The following GPATCH8 variants were observed in gnomAD, a reference collection of about 807,000 sequenced individuals.
GPATCH8 encodes G-patch domain containing 8, also known as G patch domain-containing protein 8.
Under a neutral mutation model 118.3 loss-of-function variants are expected in GPATCH8, and 18 were observed. The ratio of observed to expected loss-of-function variants is 0.15; its 90% CI spans 0.11 to 0.23. GPATCH8 has a LOEUF of 0.23. Ranked by LOEUF, GPATCH8 falls within the 10% of genes least tolerant of loss-of-function variation. The pLI is 1.00. For missense variants in GPATCH8, 1,631 were observed against 1,873.8 expected, an observed-to-expected ratio of 0.87 and a Z score of 2.39; for synonymous variants, 659 against 684.7, an observed-to-expected ratio of 0.96 and a Z score of 0.59.
At chr17:44,465,093 A>AAAAAT (rs1555640957) in intron 2 of GPATCH8, 6 of 148,508 alleles carry the variant, frequency 4.0e-5, no homozygotes, top group Non-Finnish European at 7.5e-5. Context: ...TGGTTTAAAA[A>AAAAAT]AATAATATAT....
At position 44,398,027 on chromosome 17, in the gene GPATCH8, G is replaced by T. The variant is rs1175365216; in HGVS notation, c.4050C>A (p.Ala1350=). 2 of 1,613,930 alleles carry T rather than the reference G, an allele frequency of 1.2e-6. No individual in the cohort carries two copies. The highest frequency in any genetic ancestry group is 2.2e-5 in the South Asian group (2 of 91,066). ...TGGGTTGCAGGGCTGGTGTGGCTGG[G>T]GCCAGGGCAGCTGAGGCTGGAAAGG... ...VKAFPASAAL[A]PATPALQPIH... Residue 1350 remains alanine, a synonymous_variant, in exon 8 of 8, where the codon GCC becomes GCA. Coordinates refer to ENST00000591680, the MANE Select transcript of GPATCH8 (RefSeq NM_001002909.4).
At chr17:44,423,119 T>C (rs1440641105) in intron 6 of GPATCH8, among the ~76,000 whole-genome samples, 1 of 151,980 alleles carries the variant, frequency 6.6e-6, no homozygotes, top group East Asian at 1.9e-4. Context: ...CAGGCACCTG[T>C]AATCCCAGCT....
At chr17:44,473,795 T>C (rs1158299155) in intron 2 of GPATCH8, 1 of 152,220 alleles carries the variant, frequency 6.6e-6, no homozygotes, top group Non-Finnish European at 1.5e-5. Context: ...CCAAGTTGTG[T>C]AAATTTCTGT....
chr17:44,470,386 TGG>T (rs1967182972), intron 2 of GPATCH8, among the ~76,000 whole-genome samples: 1 of 151,754 alleles, frequency 6.6e-6, no homozygotes, highest in South Asian at 2.1e-4. Context: ...TTAGTAGACA[TGG>T]GGTTTCACCG....
At chr17:44,465,096 TA>T (rs1049384296) in intron 2 of GPATCH8, 19 of 149,882 alleles carry the variant, frequency 1.3e-4, no homozygotes, top group African/African-American at 4.4e-4. Context: ...TTTAAAAAAA[TA>T]ATATATATAA....
chr17:44,440,870 A>G (rs138123294), intron 3 of GPATCH8, among the ~76,000 whole-genome samples: 5 of 151,490 alleles, frequency 3.3e-5, no homozygotes, highest in Non-Finnish European at 7.4e-5. Flanking sequence ...TTTTTTTTTG[A>G]GATGGCGTCT....
chr17:44,425,669 T>C (rs951880755), intron 5 of GPATCH8, among the ~76,000 whole-genome samples: 26 of 152,012 alleles, frequency 1.7e-4, no homozygotes, highest in African/African-American at 6.0e-4. Flanking sequence ...TCTTGGACTA[T>C]AGGCGTGTAC....
chr17:44,428,923 C>T (rs1304249346), intron 5 of GPATCH8, among the ~76,000 whole-genome samples: 2 of 151,768 alleles, frequency 1.3e-5, no homozygotes, highest in Non-Finnish European at 2.9e-5. Flanking sequence ...GGGCGGTTCA[C>T]GAGGTCAGGA....
At chr17:44,490,511 T>C (rs771490502) in intron 1 of GPATCH8, among the ~76,000 whole-genome samples, 1 of 152,142 alleles carries the variant, frequency 6.6e-6, no homozygotes, top group South Asian at 2.1e-4. Context: ...AAATGATGAC[T>C]GCTTGGAACA....
chr17:44,451,044 GA>G (rs1446281597), intron 3 of GPATCH8, among the ~76,000 whole-genome samples: 3 of 152,024 alleles, frequency 2.0e-5, no homozygotes, highest in African/African-American at 7.2e-5. Context: ...TTCCCTATTA[GA>G]AATAAACCTC....
intron 1 of GPATCH8, among the ~76,000 whole-genome samples, chr17:44,487,119 T>C (rs192192328): frequency 6.6e-6 from 1 of 152,308 alleles, no homozygotes; most frequent in East Asian, 1.9e-4. Context: ...GAGAATAATT[T>C]CACTGCTCAA....
At chr17:44,438,910 G>A (rs754718174) in intron 3 of GPATCH8, among the ~76,000 whole-genome samples, 22 of 152,140 alleles carry the variant, frequency 1.4e-4, no homozygotes, top group Non-Finnish European at 2.9e-4. Flanking sequence ...TGAGATTTTT[G>A]TACTGCTACT....
At chr17:44,466,610 A>G (rs781063477) in intron 2 of GPATCH8, among the ~76,000 whole-genome samples, 1 of 152,170 alleles carries the variant, frequency 6.6e-6, no homozygotes, top group Non-Finnish European at 1.5e-5. Flanking sequence ...GACTATTTAT[A>G]ACTTTATTAC....
intron 1 of GPATCH8, among the ~76,000 whole-genome samples, chr17:44,491,767 T>C (rs200275846): frequency 4.4e-4 from 67 of 152,016 alleles, no homozygotes; most frequent in African/African-American, 7.2e-4. Context: ...AATGGGAGGA[T>C]TGCCTGAGTC....
At chr17:44,445,186 T>C (rs190915136) in intron 3 of GPATCH8, among the ~76,000 whole-genome samples, 3 of 152,272 alleles carry the variant, frequency 2.0e-5, no homozygotes, top group Admixed American at 2.0e-4. Context: ...AAGCATCAAA[T>C]GTTTAAGAAA....
At chr17:44,436,793 A>G (rs1011807635) in intron 3 of GPATCH8, 51 of 545,824 alleles carry the variant, frequency 9.3e-5, no homozygotes, top group Non-Finnish European at 1.5e-4. Flanking sequence ...AATTACATTA[A>G]TAAGTAATGC....
chr17:44,474,392 C>T (rs1056121816), intron 2 of GPATCH8: 7 of 249,282 alleles, frequency 2.8e-5, no homozygotes, highest in Non-Finnish European at 4.7e-5. Context: ...AAACATATTA[C>T]TCCTTAAATG....
At chr17:44,423,050 C>G (rs1165013996) in intron 6 of GPATCH8, among the ~76,000 whole-genome samples, 1 of 151,676 alleles carries the variant, frequency 6.6e-6, no homozygotes, top group Non-Finnish European at 1.5e-5. Context: ...GGGCGGATCA[C>G]GAGGTCAGGA....
At chr17:44,456,163 A>G (rs1428143048) in intron 3 of GPATCH8, among the ~76,000 whole-genome samples, 1 of 152,126 alleles carries the variant, frequency 6.6e-6, no homozygotes, top group Non-Finnish European at 1.5e-5. Context: ...AAGGTGCAGG[A>G]AGTGCAGTGG....
Sources: allele counts gnomAD v4.1 joint callset (sites outside exome capture counted in the v4.1 genomes callset), GRCh38; gene constraint gnomAD v4.1.1; transcripts MANE v1.5; gene names NCBI Gene and HGNC (gene_info 2026-07-23, HGNC 2026-07-21).